TTYH2: variants seen among roughly 807,000 people sequenced by gnomAD.
TTYH2 encodes tweety family member 2.
In TTYH2, 49 loss-of-function variants were observed where a neutral mutation model predicts 68.3. That is an observed-to-expected ratio of 0.72 (90% CI 0.57 to 0.91). TTYH2 has a LOEUF of 0.91. TTYH2 is among the 40% of genes least tolerant of loss of function. The pLI is 0.00. For synonymous variants in TTYH2, 272 were observed against 300.8 expected, an observed-to-expected ratio of 0.90 and a Z score of 0.99; for missense variants, 631 against 700.4, an observed-to-expected ratio of 0.90 and a Z score of 1.12.
rs115049848 is a variant in TTYH2 at position 74,244,500 on chromosome 17, G to A, written c.804+451G>A. Among the ~76,000 whole-genome samples the A allele has an allele frequency of 8.1e-3, 1,227 of 152,284 alleles. 15 individuals are homozygous for A. The highest frequency in any genetic ancestry group is 0.028 in the African/African-American group (1,175 of 41,560). ...TCCCCAGGCCCTGGGACTGTAGAATGTGGTGTCTGACTTGCCTTCCATCCC... is the reference window on the plus strand; with the variant it reads ...TCCCCAGGCCCTGGGACTGTAGAATATGGTGTCTGACTTGCCTTCCATCCC... On this transcript the variant is annotated intron_variant, in intron 6 of 13. Transcript: ENST00000269346.
chr17:74,251,961 C>A (rs753862167), intron 10 of TTYH2: 1 of 419,080 alleles, frequency 2.4e-6, no homozygotes, highest in Non-Finnish European at 4.3e-6. Flanking sequence ...TGGTTCCCCA[C>A]CCTGCAACCT....
intron 2 of TTYH2, among the ~76,000 whole-genome samples, chr17:74,228,108 C>G (rs1014489835): frequency 6.6e-6 from 1 of 151,442 alleles, no homozygotes; most frequent in East Asian, 1.9e-4. Context: ...CTCAGTCTCC[C>G]GAGTAGCTGG....
At chr17:74,253,975 G>A (rs2143782761) in intron 13 of TTYH2, 142 bp downstream of exon 13, 2 of 821,572 alleles carry the variant, frequency 2.4e-6, no homozygotes, top group Non-Finnish European at 3.9e-6. Flanking sequence ...ACCGTCGTGG[G>A]TATCCCAGGC....
At chr17:74,257,119 CTA>C (rs2050701047) in intron 13 of TTYH2, 2 of 152,238 alleles carry the variant, frequency 1.3e-5, no homozygotes, top group African/African-American at 4.8e-5. Flanking sequence ...AAGAATTACT[CTA>C]TGCACTGTGA....
chr17:74,218,956 G>A (rs11652995), intron 1 of TTYH2, among the ~76,000 whole-genome samples: 29,288 of 152,110 alleles, frequency 0.19, 8,211 homozygotes, highest in African/African-American at 0.62. Flanking sequence ...TTGGTTGGGC[G>A]TCGTGGCTCA....
intron 13 of TTYH2, among the ~76,000 whole-genome samples, chr17:74,259,012 G>T (rs901104803): frequency 1.3e-5 from 2 of 151,630 alleles, no homozygotes; most frequent in Admixed American, 1.3e-4. Flanking sequence ...CAGGTCCTGT[G>T]GACAAGATCC....
chr17:74,221,165 G>A (rs2050271756), intron 1 of TTYH2, among the ~76,000 whole-genome samples: 1 of 152,042 alleles, frequency 6.6e-6, no homozygotes, highest in African/African-American at 2.4e-5. Context: ...CCTTTTTCTG[G>A]GCTGCCCCCA....
rs907141568 is a variant in TTYH2, at chr17:74,247,747, G to A, written c.805-1264G>A. Among the ~76,000 whole-genome samples, 14 of 152,316 alleles carry A rather than the reference G, an allele frequency of 9.2e-5. No individual in the cohort carries two copies. In the East Asian group the frequency reaches 1.2e-3, roughly 13 times the overall value. On this transcript the variant is annotated intron_variant, in intron 6 of 13. Transcript: ENST00000269346. ...GCACACCACCAGGCCTGCTGGCGCC[G>A]CAGCTCTGATAGGTAATAATAGGCC...
Position 74,260,656 on chromosome 17 carries a change from G to C in TTYH2, c.*447G>C. The C allele has an allele frequency of 5.1e-6, 1 of 196,608 alleles. No individual in the cohort carries two copies. The allele number at this position is 196,608 out of a possible 1,614,324, so 12.2% of individuals were successfully genotyped here. A position where few individuals can be genotyped will look rare whatever the true frequency, so the allele number is the denominator to read the frequency against. Reference sequence around the variant, plus strand: ...GACGACCCCTCTGTCCTCGTTCCCTGTCCTCGTTCCCTGCAGGTAACATGA... The same window carrying C: ...GACGACCCCTCTGTCCTCGTTCCCTCTCCTCGTTCCCTGCAGGTAACATGA... On this transcript the variant is annotated 3_prime_UTR_variant, in exon 14 of 14. Coordinates refer to ENST00000269346, the MANE Select transcript of TTYH2 (RefSeq NM_032646.6).
In TTYH2 at chr17:74,227,980, TTTC is replaced by T. The variant is rs1387116404; in HGVS notation, c.303-2905_303-2903del. Among the ~76,000 whole-genome samples the T allele has an allele frequency of 2.9e-3, 389 of 132,090 alleles. 4 individuals carry two copies. The highest frequency in any genetic ancestry group is 0.012 in the African/African-American group (327 of 26,584). 86.7% of individuals were successfully genotyped at this position (132,090 alleles called of 152,430 possible). A position where few individuals can be genotyped will look rare whatever the true frequency, so the allele number is the denominator to read the frequency against. On this transcript the variant is annotated intron_variant, in intron 2 of 13. Transcript: ENST00000269346. ...CTGGAAGGAGGTTTCTTTTCTTTTC[TTTC>T]TTTTTTTTTTTTTTTTTTGAGATAG... is the stretch of plus-strand genomic sequence containing the variant.
chr17:74,230,963 C>T lies in TTYH2; in HGVS notation c.378C>T (p.Asp126=), dbSNP rs761511010. ...CGTACCAGCTGATGTACTCCTTGGA[C>T]GATGCCAACCACACCTTCTCTGGGA... is the stretch of plus-strand genomic sequence containing the variant. ...DGAYQLMYSL[D]DANHTFSGID... Residue 126 remains aspartate, a synonymous_variant, in exon 3 of 14, where the codon GAC becomes GAT. Transcript: ENST00000269346. 41 of 1,614,000 alleles carry T rather than the reference C, an allele frequency of 2.5e-5. No individual in the cohort carries two copies. The highest frequency in any genetic ancestry group is 2.0e-4 in the South Asian group (18 of 91,084).
At chr17:74,227,983 C>CTTTTTTTT (rs35080135) in intron 2 of TTYH2, among the ~76,000 whole-genome samples, 1,256 of 112,438 alleles carry the variant, frequency 0.011, 147 homozygotes, top group African/African-American at 0.055. Context: ...TCTTTTCTTT[C>CTTTTTTTT]TTTTTTTTTT....
In TTYH2 at chr17:74,260,320, C is replaced by CTGCCACAGCAGGAGG; in HGVS notation, c.*111_*112insTGCCACAGCAGGAGG. ...AAGGCATCTGGAGCCCGAGAGGCCT[C>CTGCCACAGCAGGAGG]CTGCTGTGGCAGAGGAGCAGCTGGG... On this transcript the variant is annotated 3_prime_UTR_variant, in exon 14 of 14. Coordinates refer to ENST00000269346, the MANE Select transcript of TTYH2 (RefSeq NM_032646.6). The CTGCCACAGCAGGAGG allele has an allele frequency of 9.0e-7, 1 of 1,115,896 alleles. No individual in the cohort carries two copies. Among genetic ancestry groups the CTGCCACAGCAGGAGG allele is most frequent in the Non-Finnish European group, 1.3e-6 (1 of 751,676 alleles). The allele number at this position is 1,115,896 out of a possible 1,614,324, so 69.1% of individuals were successfully genotyped here.
chr17:74,249,430 G>A, intron 8 of TTYH2, 31 bp downstream of exon 8: 2 of 1,610,378 alleles, frequency 1.2e-6, no homozygotes, highest in Non-Finnish European at 1.7e-6. Flanking sequence ...CCCTCACCCT[G>A]CCCACAGCCG....
At chr17:74,231,705 G>A (rs994496929) in intron 3 of TTYH2, among the ~76,000 whole-genome samples, 5 of 151,930 alleles carry the variant, frequency 3.3e-5, no homozygotes, top group Non-Finnish European at 7.4e-5. Context: ...AAAAATTGAA[G>A]AGCCCCGTGA....
chr17:74,220,994 G>A (rs940172956), intron 1 of TTYH2, among the ~76,000 whole-genome samples: 2 of 152,086 alleles, frequency 1.3e-5, no homozygotes, highest in East Asian at 1.9e-4. Flanking sequence ...GGGTCTCCCT[G>A]TATTGCCCAG....
chr17:74,242,940 G>A (rs1362368860), intron 4 of TTYH2, among the ~76,000 whole-genome samples: 2 of 152,164 alleles, frequency 1.3e-5, no homozygotes, highest in East Asian at 3.9e-4. Context: ...TGCTGTCCAG[G>A]GTGGTAGCCC....
Position 74,213,768 on chromosome 17 carries a change from C to T in TTYH2, c.129+52C>T, listed in dbSNP as rs770573832. 26 of 1,588,608 alleles carry T rather than the reference C, an allele frequency of 1.6e-5. No homozygotes were observed. The African/African-American group carries it at 2.6e-4, about 16-fold the overall frequency. On this transcript the variant is annotated intron_variant, in intron 1 of 13. Coordinates refer to ENST00000269346, the MANE Select transcript of TTYH2 (RefSeq NM_032646.6). The surrounding 1 kb of genome is among the most constrained non-coding windows in gnomAD (Gnocchi z 6.1). ...GCCACGCGCGCCCCAAGTCCCCGCA[C>T]TACCCCCTCTCCCCTCGAGAGCCTG...
chr17:74,249,503 C>T, intron 8 of TTYH2, 104 bp downstream of exon 8: 2 of 1,287,172 alleles, frequency 1.6e-6, no homozygotes, highest in Non-Finnish European at 2.2e-6. Context: ...GCCTTGCTTG[C>T]CTCACTGTGG....
Sources: gnomAD v4.1 joint callset for allele counts (sites outside exome capture counted in the v4.1 genomes callset) on GRCh38, gnomAD v4.1.1 for gene constraint, Gnocchi (gnomAD v3.1) non-coding constraint, MANE v1.5 for transcripts, NCBI Gene and HGNC (gene_info 2026-07-23, HGNC 2026-07-21) for gene names.